Variants in TUBA4A observed in about 807,000 individuals in gnomAD.
TUBA4A encodes the protein tubulin alpha 4a, also known as tubulin alpha-4A chain.
TUBA4A carries 23 observed loss-of-function variants against 34.3 expected under a neutral mutation model. The observed-to-expected ratio is 0.67, with a 90% confidence interval of 0.48 to 0.95. TUBA4A has a LOEUF of 0.95. Among genes scored for constraint, TUBA4A ranks in the 40% least tolerant of loss-of-function variants. TUBA4A has a pLI of 0.00. For missense variants in TUBA4A, 279 were observed against 599.0 expected, an observed-to-expected ratio of 0.47 and a Z score of 5.58; for synonymous variants, 216 against 230.5, an observed-to-expected ratio of 0.94 and a Z score of 0.57.
Position 219,250,495 on chromosome 2 carries a change from T to G in TUBA4A, c.1204A>C (p.Arg402=), listed in dbSNP as rs1574883610. 1 of 1,614,106 alleles carries G rather than the reference T, an allele frequency of 6.2e-7. No homozygotes were observed. Among genetic ancestry groups the G allele is most frequent in the South Asian group, 1.1e-5 (1 of 91,076 alleles). Residue 402 remains arginine, a synonymous_variant, in exon 4 of 4, where the codon AGG becomes CGG. Coordinates refer to ENST00000248437, the MANE Select transcript of TUBA4A (RefSeq NM_006000.3). This position sits in a 1 kb window ranked among gnomAD's most constrained non-coding sequence, Gnocchi z 8.4. ...DHKFDLMYAK[R]AFVHWYVGEG... Reference sequence around the variant, plus strand: ...CCCACATACCAGTGCACAAACGCCCTCTTGGCATACATCAGGTCGAACTTG... The same window carrying G: ...CCCACATACCAGTGCACAAACGCCCGCTTGGCATACATCAGGTCGAACTTG...
In TUBA4A at chr2:219,250,344, C is replaced by T. The variant is rs142720001; in HGVS notation, c.*8G>A. 1.4e-4 allele frequency: 230 copies of T among 1,601,822 alleles called. 1 individual carries two copies. In the Middle Eastern group the frequency reaches 2.2e-3, roughly 15 times the overall value. ...ATAAACATAGTGAATAGGCTCCAGG[C>T]AGCTGCTTTATTCTTCTCCCTCATC... On this transcript the variant is annotated 3_prime_UTR_variant, in exon 4 of 4. Transcript: ENST00000248437. This position sits in a 1 kb window ranked among gnomAD's most constrained non-coding sequence, Gnocchi z 8.4.
rs1393860591 is a variant in TUBA4A, at chr2:219,250,092, C to T, written c.*260G>A. 2.7e-5 allele frequency: 14 copies of T among 510,422 alleles called. No homozygotes were observed. The South Asian group carries it at 2.8e-4, about 10-fold the overall frequency. The allele number at this position is 510,422 out of a possible 1,614,324, so 31.6% of individuals were successfully genotyped here. On this transcript the variant is annotated 3_prime_UTR_variant, in exon 4 of 4. Transcript: ENST00000248437. This position sits in a 1 kb window ranked among gnomAD's most constrained non-coding sequence, Gnocchi z 8.4. ...GCCTGGATTTTGGTCCTCATTTCCT[C>T]CCTATACTGAGTAACCCTAGGACTT...
Position 219,253,044 on chromosome 2 carries a change from T to C in TUBA4A, c.3+812A>G, listed in dbSNP as rs1001995199. 1.9e-5 allele frequency: 18 copies of C among 937,408 alleles called. No homozygotes were observed. The East Asian group carries it at 6.3e-4, about 33-fold the overall frequency. 58.1% of individuals were successfully genotyped at this position (937,408 alleles called of 1,614,324 possible). On this transcript the variant is annotated intron_variant, in intron 1 of 3. Coordinates refer to ENST00000248437, the MANE Select transcript of TUBA4A (RefSeq NM_006000.3). ...GTGAGGCCCCAGAGGTGACCCGCCTTGTCCCGGGCAGGATGGGCGCCATCC... is the reference window on the plus strand; with the variant it reads ...GTGAGGCCCCAGAGGTGACCCGCCTCGTCCCGGGCAGGATGGGCGCCATCC...
In TUBA4A at chr2:219,250,161, A is replaced by T. The variant is rs1329427348; in HGVS notation, c.*191T>A. 5 of 815,332 alleles carry T rather than the reference A, an allele frequency of 6.1e-6. No individual in the cohort carries two copies. The African/African-American group carries it at 6.9e-5, about 11-fold the overall frequency. The allele number at this position is 815,332 out of a possible 1,614,324, so 50.5% of individuals were successfully genotyped here. A position where few individuals can be genotyped will look rare whatever the true frequency, so the allele number is the denominator to read the frequency against. On this transcript the variant is annotated 3_prime_UTR_variant, in exon 4 of 4. Transcript: ENST00000248437. The surrounding 1 kb of genome is among the most constrained non-coding windows in gnomAD (Gnocchi z 8.4). ...GTTATGCTTCCTGGGCCTGGCAAGAACCCCTTTGCAGGTCTCACCTTCAGC... is the reference window on the plus strand; with the variant it reads ...GTTATGCTTCCTGGGCCTGGCAAGATCCCCTTTGCAGGTCTCACCTTCAGC...
chr2:219,253,169 A>G (rs1030495814), intron 1 of TUBA4A: 82 of 1,519,404 alleles, frequency 5.4e-5, no homozygotes, highest in Non-Finnish European at 7.0e-5. Context: ...TGGGCTATAA[A>G]TACCACCCCC....
In TUBA4A at chr2:219,252,750, C is replaced by G; in HGVS notation, c.4-520G>C. 1 of 470,706 alleles carries G rather than the reference C, an allele frequency of 2.1e-6. No homozygotes were observed. Among genetic ancestry groups the G allele is most frequent in the Non-Finnish European group, 4.4e-6 (1 of 226,784 alleles). The allele number at this position is 470,706 out of a possible 1,614,324, so 29.2% of individuals were successfully genotyped here. A position where few individuals can be genotyped will look rare whatever the true frequency, so the allele number is the denominator to read the frequency against. ...AATCCCATCTGGCTCCTCTCCCCAC[C>G]TCCACCCCCGCACCCTGGGTGTCTT... On this transcript the variant is annotated intron_variant, in intron 1 of 3. Coordinates refer to ENST00000248437, the MANE Select transcript of TUBA4A (RefSeq NM_006000.3). This position sits in a 1 kb window ranked among gnomAD's most constrained non-coding sequence, Gnocchi z 4.1.
In TUBA4A at chr2:219,251,399, G is replaced by T; in HGVS notation, c.376-76C>A. On this transcript the variant is annotated intron_variant, in intron 3 of 3. Coordinates refer to ENST00000248437, the MANE Select transcript of TUBA4A (RefSeq NM_006000.3). This position sits in a 1 kb window ranked among gnomAD's most constrained non-coding sequence, Gnocchi z 6.1. ...GGACTCTATCACCTGGCTCCATAAA[G>T]CGTAAGATACATCAGCAGTCAGGGC... 1 of 1,543,950 alleles carries T rather than the reference G, an allele frequency of 6.5e-7. No individual in the cohort carries two copies. The highest frequency in any genetic ancestry group is 8.7e-7 in the Non-Finnish European group (1 of 1,144,562).
intron 1 of TUBA4A, chr2:219,253,542 G>A (rs989158427): frequency 4.4e-5 from 37 of 850,304 alleles, no homozygotes; most frequent in Admixed American, 2.7e-4. Flanking sequence ...AGGACGGGGC[G>A]CGGGCCCGCG....
At position 219,251,981 on chromosome 2, in the gene TUBA4A, T is replaced by A. The variant is rs1392135527; in HGVS notation, c.226+27A>T. ...AAGCTTTGAGTCATGCTCCACCCCC[T>A]TCAATTTTGTCCCCACTTCCTCTCA... On this transcript the variant is annotated intron_variant, in intron 2 of 3. Transcript: ENST00000248437. This position sits in a 1 kb window ranked among gnomAD's most constrained non-coding sequence, Gnocchi z 6.1. 6.8e-6 allele frequency: 11 copies of A among 1,606,924 alleles called. No individual in the cohort carries two copies. The highest frequency in any genetic ancestry group is 1.3e-5 in the African/African-American group (1 of 74,774).
In TUBA4A at chr2:219,251,536, G is replaced by A. The variant is rs751187240; in HGVS notation, c.375+29C>T. On this transcript the variant is annotated intron_variant, in intron 3 of 3. Transcript: ENST00000248437. This position sits in a 1 kb window ranked among gnomAD's most constrained non-coding sequence, Gnocchi z 6.1. ...CCTGACCATTAGCACAGTCTCAAAA[G>A]TTCCCTCCCTCCCAAGACACACTCT... is the stretch of plus-strand genomic sequence containing the variant. 3 of 1,605,194 alleles carry A rather than the reference G, an allele frequency of 1.9e-6. No homozygotes were observed. Among genetic ancestry groups the A allele is most frequent in the Non-Finnish European group, 2.6e-6 (3 of 1,174,032 alleles).
rs774008018 is a variant in TUBA4A, at chr2:219,252,423, G to A, written c.4-193C>T. Among the ~76,000 whole-genome samples the A allele has an allele frequency of 6.6e-6, 1 of 152,100 alleles. No individual in the cohort carries two copies. Among genetic ancestry groups the A allele is most frequent in the Non-Finnish European group, 1.5e-5 (1 of 68,010 alleles). Reference sequence around the variant, plus strand: ...CCAGGTACAGGACTCCCCACCTGGAGGCACCCAGCAATGCAGGCCAACCTC... The same window carrying A: ...CCAGGTACAGGACTCCCCACCTGGAAGCACCCAGCAATGCAGGCCAACCTC... On this transcript the variant is annotated intron_variant, in intron 1 of 3. Coordinates refer to ENST00000248437, the MANE Select transcript of TUBA4A (RefSeq NM_006000.3). This position sits in a 1 kb window ranked among gnomAD's most constrained non-coding sequence, Gnocchi z 4.1.
chr2:219,251,306 T>G lies in TUBA4A; in HGVS notation c.393A>C (p.Gly131=). The G allele has an allele frequency of 6.2e-7, 1 of 1,610,698 alleles. No homozygotes were observed. The highest frequency in any genetic ancestry group is 8.5e-7 in the Non-Finnish European group (1 of 1,177,766). ...RIRKLSDQCT[G]LQGFLVFHSF... ...TGTGGAACACCAGGAAGCCCTGAAG[T>G]CCTGTGCACTGGTCAGACTGAAAGG... Residue 131 remains glycine (G), a synonymous_variant, in exon 4 of 4, where the codon GGA becomes GGC. Transcript: ENST00000248437. This position sits in a 1 kb window ranked among gnomAD's most constrained non-coding sequence, Gnocchi z 6.1.
chr2:219,253,445 G>T, intron 1 of TUBA4A: 1 of 1,483,426 alleles, frequency 6.7e-7, no homozygotes, highest in Non-Finnish European at 9.1e-7. Flanking sequence ...CCACCTTCTA[G>T]CGCCAAGCAC....
rs1574886604 is a variant in TUBA4A, at chr2:219,253,043, T to G, written c.3+813A>C. The G allele has an allele frequency of 3.2e-6, 3 of 933,860 alleles. No individual in the cohort carries two copies. The East Asian group carries it at 1.2e-4, about 37-fold the overall frequency. 57.8% of individuals were successfully genotyped at this position (933,860 alleles called of 1,614,324 possible). On this transcript the variant is annotated intron_variant, in intron 1 of 3. Coordinates refer to ENST00000248437, the MANE Select transcript of TUBA4A (RefSeq NM_006000.3). ...GGTGAGGCCCCAGAGGTGACCCGCC[T>G]TGTCCCGGGCAGGATGGGCGCCATC...
At position 219,252,209 on chromosome 2, in the gene TUBA4A, C is replaced by T. The variant is rs1264872923; in HGVS notation, c.25G>A (p.Val9Met). ...CCCATCTGGACACCTGCCTGCCCCA[C>T]GTGGACTGAGATGCATTCACGCTGA... MRECISVH[V>M]GQAGVQMGNA... Residue 9 changes from valine (V) to methionine (M), a missense_variant, in exon 2 of 4, where the codon GTG becomes ATG. Around this residue, in one of 3 missense-constraint regions of TUBA4A, gnomAD observed 98 missense variants for 171.1 expected, o/e 0.57. Coordinates refer to ENST00000248437, the MANE Select transcript of TUBA4A (RefSeq NM_006000.3). This position sits in a 1 kb window ranked among gnomAD's most constrained non-coding sequence, Gnocchi z 4.1. 1.1e-5 allele frequency: 18 copies of T among 1,614,008 alleles called. No individual in the cohort carries two copies. The highest frequency in any genetic ancestry group is 4.5e-5 in the East Asian group (2 of 44,874).
In TUBA4A at chr2:219,250,053, C is replaced by A; in HGVS notation, c.*299G>T. 2.7e-6 allele frequency: 1 copy of A among 366,282 alleles called. No homozygotes were observed. The allele number at this position is 366,282 out of a possible 1,614,324, so 22.7% of individuals were successfully genotyped here. On this transcript the variant is annotated 3_prime_UTR_variant, in exon 4 of 4. Coordinates refer to ENST00000248437, the MANE Select transcript of TUBA4A (RefSeq NM_006000.3). The surrounding 1 kb of genome is among the most constrained non-coding windows in gnomAD (Gnocchi z 8.4). ...CTTGGAAAGGAGCTGAAGACTCATC[C>A]TTCAACAGTTTGTGCCTGGATTTTG...
At position 219,250,280 on chromosome 2, in the gene TUBA4A, A is replaced by C. The variant is rs895229014; in HGVS notation, c.*72T>G. 9 of 1,539,924 alleles carry C rather than the reference A, an allele frequency of 5.8e-6. No homozygotes were observed. The African/African-American group carries it at 1.2e-4, about 21-fold the overall frequency. On this transcript the variant is annotated 3_prime_UTR_variant, in exon 4 of 4. Transcript: ENST00000248437. The surrounding 1 kb of genome is among the most constrained non-coding windows in gnomAD (Gnocchi z 8.4). Reference sequence around the variant, plus strand: ...CTCAAGCACTCAGAGGGAACAAGAAACCGTGCAAGGAAACTGTTTATTTCG... The same window carrying C: ...CTCAAGCACTCAGAGGGAACAAGAACCCGTGCAAGGAAACTGTTTATTTCG...
chr2:219,253,233 A>C lies in TUBA4A; in HGVS notation c.3+623T>G. On this transcript the variant is annotated intron_variant, in intron 1 of 3. Transcript: ENST00000248437. ...CCTGGCCTCGGCCCGCGCAGTGCTC[A>C]GCGCCAGCTGTCTCTGCCCATCCGC... 2.7e-6 allele frequency: 4 copies of C among 1,493,992 alleles called. No individual in the cohort carries two copies. The South Asian group carries it at 5.3e-5, about 20-fold the overall frequency. The allele number at this position is 1,493,992 out of a possible 1,614,324, so 92.5% of individuals were successfully genotyped here.
Position 219,250,200 on chromosome 2 carries a change from AG to A in TUBA4A, c.*151del. 8.8e-7 allele frequency: 1 copy of A among 1,139,090 alleles called. No individual in the cohort carries two copies. The highest frequency in any genetic ancestry group is 2.4e-5 in the East Asian group (1 of 42,316). 70.6% of individuals were successfully genotyped at this position (1,139,090 alleles called of 1,614,324 possible). On this transcript the variant is annotated 3_prime_UTR_variant, in exon 4 of 4. Coordinates refer to ENST00000248437, the MANE Select transcript of TUBA4A (RefSeq NM_006000.3). This position sits in a 1 kb window ranked among gnomAD's most constrained non-coding sequence, Gnocchi z 8.4. The stretch of plus-strand genomic sequence containing the variant: ...CTCACCTTCAGCGATGGAAGGGATA[AG>A]GGTCATGAACAGCAAACAGAGCAGC...
Sources: gnomAD v4.1 joint callset for allele counts (sites outside exome capture counted in the v4.1 genomes callset) on GRCh38, gnomAD v4.1.1 for gene constraint, gnomAD v4.1.1 regional missense constraint, Gnocchi (gnomAD v3.1) non-coding constraint, MANE v1.5 for transcripts, NCBI Gene and HGNC (gene_info 2026-07-23, HGNC 2026-07-21) for gene names.